The following GLCE variants were observed in gnomAD, a reference collection of about 807,000 sequenced individuals.
GLCE encodes D-glucuronyl C5-epimerase.
A neutral mutation model predicts 47.9 loss-of-function variants in GLCE; 19 were observed. The ratio of observed to expected loss-of-function variants is 0.40; its 90% CI spans 0.28 to 0.58. The LOEUF is 0.58. Among genes scored for constraint, GLCE ranks in the 20% least tolerant of loss-of-function variants. The pLI, the probability that GLCE is intolerant of heterozygous loss-of-function variation, is 0.48. For synonymous variants in GLCE, 245 were observed against 263.4 expected, an observed-to-expected ratio of 0.93 and a Z score of 0.68; for missense variants, 556 against 743.3, an observed-to-expected ratio of 0.75 and a Z score of 2.93.
intron 4 of GLCE, chr15:69,266,709 A>C (rs1182304790): frequency 1.1e-6 from 1 of 918,792 alleles, no homozygotes; most frequent in Admixed American, 6.2e-5. Context: ...GCTGCATCTA[A>C]GAGAACCTTT....
At chr15:69,223,292 C>G (rs1360680556) in intron 2 of GLCE, among the ~76,000 whole-genome samples, 2 of 152,146 alleles carry the variant, frequency 1.3e-5, no homozygotes, top group African/African-American at 2.4e-5. Context: ...ATCTTAATGT[C>G]TCCTTCACCT....
Position 69,269,009 on chromosome 15 carries a change from G to A in GLCE, c.1619G>A (p.Arg540His), listed in dbSNP as rs757592519. 1.9e-5 allele frequency: 30 copies of A among 1,614,030 alleles called. No homozygotes were observed. Among genetic ancestry groups the A allele is most frequent in the Non-Finnish European group, 2.2e-5 (26 of 1,180,006 alleles). ...AAAGAAGCAAGGTCCTTGTATGAGC[G>A]TGGCATGGAATCTCTTAAAGCCATG... ...LGKEARSLYERGMESLKAMLP... is the reference protein window; with the variant it reads ...LGKEARSLYEHGMESLKAMLP... The change falls in exon 5 of 5, where the codon CGT becomes CAT. Residue 540 changes from arginine to histidine, a missense_variant. Arg to His is a conservative substitution (Grantham distance 29). This residue lies in a region of GLCE where 245 missense variants were observed against 368.1 expected (regional missense o/e 0.67). Transcript: ENST00000261858.
chr15:69,253,874 C>T (rs1392350091), intron 2 of GLCE, among the ~76,000 whole-genome samples: 2 of 152,078 alleles, frequency 1.3e-5, no homozygotes, highest in Non-Finnish European at 2.9e-5. Context: ...TAAAGTATTG[C>T]CTACAACATT....
intron 1 of GLCE, chr15:69,196,971 C>T (rs1367688337): frequency 4.1e-6 from 1 of 245,056 alleles, no homozygotes; most frequent in Non-Finnish European, 8.1e-6. Context: ...CAAACTTCTA[C>T]CAAAATGTTA....
In GLCE at chr15:69,271,068, A is replaced by G. The variant is rs777139469; in HGVS notation, c.*1824A>G. The G allele has an allele frequency of 6.6e-6, 1 of 152,636 alleles. No individual in the cohort carries two copies. Among genetic ancestry groups the G allele is most frequent in the Non-Finnish European group, 1.5e-5 (1 of 68,030 alleles). The allele number at this position is 152,636 out of a possible 1,614,324, so 9.5% of individuals were successfully genotyped here. A position where few individuals can be genotyped will look rare whatever the true frequency, so the allele number is the denominator to read the frequency against. ...TGGTTCATACGTCTGCTTTGTTTGC[A>G]TACTGGTCTTCAGATTATGAGACTC... is the stretch of plus-strand genomic sequence containing the variant. On this transcript the variant is annotated 3_prime_UTR_variant, in exon 5 of 5. Coordinates refer to ENST00000261858, the MANE Select transcript of GLCE (RefSeq NM_015554.3).
chr15:69,238,198 G>T (rs754503959), intron 2 of GLCE, among the ~76,000 whole-genome samples: 1 of 152,124 alleles, frequency 6.6e-6, no homozygotes, highest in Non-Finnish European at 1.5e-5. Context: ...GACGCATAAT[G>T]CTAGTAGTTT....
chr15:69,212,826 A>G (rs1169504860), intron 2 of GLCE, among the ~76,000 whole-genome samples: 1 of 152,112 alleles, frequency 6.6e-6, no homozygotes, highest in Non-Finnish European at 1.5e-5. Flanking sequence ...TAAAGAAACT[A>G]GTTAGGAAGT....
At chr15:69,169,321 A>G (rs2051551091) in intron 1 of GLCE, among the ~76,000 whole-genome samples, 1 of 152,228 alleles carries the variant, frequency 6.6e-6, no homozygotes, top group East Asian at 1.9e-4. Context: ...GTGGCCATAA[A>G]AATTCATTTT....
chr15:69,260,948 G>A (rs1194655497), intron 3 of GLCE, 139 bp from the exon 4 acceptor site: 4 of 700,710 alleles, frequency 5.7e-6, no homozygotes, highest in Non-Finnish European at 9.4e-6. Flanking sequence ...TGGTCATTAT[G>A]AGAGCAGTAT....
chr15:69,188,640 TTG>T (rs1269336428), intron 1 of GLCE, among the ~76,000 whole-genome samples: 2 of 152,166 alleles, frequency 1.3e-5, no homozygotes, highest in Non-Finnish European at 2.9e-5. Context: ...GCTTTATAAT[TTG>T]TCTTTCATGG....
At chr15:69,211,156 A>G (rs1595757457) in intron 2 of GLCE, among the ~76,000 whole-genome samples, 1 of 152,066 alleles carries the variant, frequency 6.6e-6, no homozygotes, top group Non-Finnish European at 1.5e-5. Flanking sequence ...TTCTGAAGTA[A>G]TTGATTTTTA....
intron 2 of GLCE, among the ~76,000 whole-genome samples, chr15:69,219,213 A>C (rs1272570632): frequency 6.6e-6 from 1 of 152,094 alleles, no homozygotes; most frequent in Non-Finnish European, 1.5e-5. Context: ...GTCATTATTT[A>C]GTATTTATTT....
rs1311401729 is a variant in GLCE, at chr15:69,268,805, G to A, written c.1415G>A (p.Arg472Lys). ...CATATATTCCTCAATTCAGCTTTAA[G>A]GGCAACAGCCCCTTATAAGTTTCTA... ...KDHIFLNSAL[R>K]ATAPYKFLSE... Residue 472 changes from arginine to lysine, a missense_variant, in exon 5 of 5, where the codon AGG becomes AAG. This residue lies in a region of GLCE where 245 missense variants were observed against 368.1 expected (regional missense o/e 0.67). Coordinates refer to ENST00000261858, the MANE Select transcript of GLCE (RefSeq NM_015554.3). 6.2e-7 allele frequency: 1 copy of A among 1,614,036 alleles called. No individual in the cohort carries two copies. The highest frequency in any genetic ancestry group is 8.5e-7 in the Non-Finnish European group (1 of 1,180,018).
intron 1 of GLCE, among the ~76,000 whole-genome samples, chr15:69,206,491 A>G (rs1018908300): frequency 3.9e-5 from 6 of 152,160 alleles, no homozygotes; most frequent in Admixed American, 3.9e-4. Context: ...TTTCTTCTGT[A>G]AGTAAGCCTT....
Position 69,268,929 on chromosome 15 carries a change from G to A in GLCE, c.1539G>A (p.Met513Ile). Residue 513 changes from methionine to isoleucine, a missense_variant, in exon 5 of 5, where the codon ATG becomes ATA. Met to Ile is a conservative substitution (Grantham distance 10). This residue lies in a region of GLCE where 245 missense variants were observed against 368.1 expected (regional missense o/e 0.67). Transcript: ENST00000261858. Reference sequence around the variant, plus strand: ...GCTCTTTTGTTTTAAATGGCTTTATGTATTCTTTAATTGGGCTGTATGACT... The same window carrying A: ...GCTCTTTTGTTTTAAATGGCTTTATATATTCTTTAATTGGGCTGTATGACT... ...TPSSFVLNGF[M>I]YSLIGLYDLK... 1 of 1,614,124 alleles carries A rather than the reference G, an allele frequency of 6.2e-7. No homozygotes were observed. The highest frequency in any genetic ancestry group is 2.2e-5 in the East Asian group (1 of 44,886).
At chr15:69,183,139 G>A (rs1343910924) in intron 1 of GLCE, among the ~76,000 whole-genome samples, 1 of 152,142 alleles carries the variant, frequency 6.6e-6, no homozygotes, top group African/African-American at 2.4e-5. Context: ...TCTACTGAAG[G>A]GCAGAACTTC....
At chr15:69,207,751 T>C (rs1415859040) in intron 1 of GLCE, among the ~76,000 whole-genome samples, 1 of 152,088 alleles carries the variant, frequency 6.6e-6, no homozygotes, top group Non-Finnish European at 1.5e-5. Flanking sequence ...CAGTTCAGTT[T>C]AGTAAGTATC....
chr15:69,205,655 G>A (rs2052140254), intron 1 of GLCE, among the ~76,000 whole-genome samples: 2 of 152,026 alleles, frequency 1.3e-5, no homozygotes, highest in Admixed American at 1.3e-4. Context: ...GTCAGCACTT[G>A]GTATGTTCAA....
chr15:69,204,012 T>G (rs1595753220), intron 1 of GLCE, among the ~76,000 whole-genome samples: 1 of 152,200 alleles, frequency 6.6e-6, no homozygotes, highest in East Asian at 1.9e-4. Flanking sequence ...GAGGTAGTAC[T>G]TTTATACTTA....
Sources: gnomAD v4.1 joint callset for allele counts (sites outside exome capture counted in the v4.1 genomes callset) on GRCh38, gnomAD v4.1.1 for gene constraint, gnomAD v4.1.1 regional missense constraint, MANE v1.5 for transcripts, NCBI Gene and HGNC (gene_info 2026-07-23, HGNC 2026-07-21) for gene names.